The following PRKDC variants were observed in gnomAD, a reference collection of about 807,000 sequenced individuals.
PRKDC encodes protein kinase, DNA-activated, catalytic subunit, also known as DNA-dependent protein kinase catalytic subunit.
In PRKDC, 82 loss-of-function variants were observed where a neutral mutation model predicts 486.9. That is an observed-to-expected ratio of 0.17 (90% CI 0.14 to 0.20). The LOEUF (loss-of-function observed/expected upper bound fraction) is 0.20. PRKDC is among the 10% of genes least tolerant of loss of function. PRKDC has a pLI of 1.00. For missense variants in PRKDC, 4,504 were observed against 5,038.2 expected (o/e 0.89, Z 3.21); for synonymous variants, 1,895 against 1,837.0 (o/e 1.03, Z -0.81).
chr8:47,941,260 T>A (rs1314798247), intron 10 of PRKDC, among the ~76,000 whole-genome samples: 1 of 152,190 alleles, frequency 6.6e-6, no homozygotes, highest in African/African-American at 2.4e-5. Context: ...AAGTCCTCTT[T>A]CCCTCTTTCT....
chr8:47,949,160 C>T (rs2090586700), intron 7 of PRKDC, among the ~76,000 whole-genome samples: 1 of 152,208 alleles, frequency 6.6e-6, no homozygotes, highest in Non-Finnish European at 1.5e-5. Flanking sequence ...TCTGTGCCTC[C>T]CTCTTCCACA....
intron 69 of PRKDC, among the ~76,000 whole-genome samples, chr8:47,806,265 C>G (rs1007622842): frequency 2.0e-5 from 3 of 152,180 alleles, no homozygotes; most frequent in Non-Finnish European, 4.4e-5. Flanking sequence ...TTCCCCTCAT[C>G]ATGCCAGACA....
intron 38 of PRKDC, among the ~76,000 whole-genome samples, chr8:47,881,178 C>T (rs1409550469): frequency 1.3e-5 from 2 of 152,184 alleles, no homozygotes; most frequent in African/African-American, 4.8e-5. Flanking sequence ...ATAACACACC[C>T]GGCCTGCTTG....
rs2154499713 is a variant in PRKDC at position 47,836,420 on chromosome 8, C to T, written c.7869G>A (p.Gly2623=). ...CCACTGGCCAGCGAGCTGAGAGGGACCCTTCCTGGGTACGGGTCTGGAGAG... is the reference window on the plus strand; with the variant it reads ...CCACTGGCCAGCGAGCTGAGAGGGATCCTTCCTGGGTACGGGTCTGGAGAG... ...QGTLQTRTQE[G]SLSARWPVAG... Residue 2623 remains glycine, a synonymous_variant, in exon 58 of 86, where the codon GGG becomes GGA. Coordinates refer to ENST00000314191, the MANE Select transcript of PRKDC (RefSeq NM_006904.7). 1 of 1,612,988 alleles carries T rather than the reference C, an allele frequency of 6.2e-7. No homozygotes were observed. The highest frequency in any genetic ancestry group is 1.7e-4 in the Middle Eastern group (1 of 6,060).
intron 59 of PRKDC, 130 bp from the exon 60 acceptor site, chr8:47,832,056 G>C: frequency 1.3e-6 from 1 of 744,268 alleles, no homozygotes; most frequent in Non-Finnish European, 2.3e-6. Flanking sequence ...GGGAGCAGGA[G>C]TGCAGGGGCC....
intron 68 of PRKDC, among the ~76,000 whole-genome samples, chr8:47,808,816 C>T (rs1283622683): frequency 6.6e-6 from 1 of 151,966 alleles, no homozygotes; most frequent in Non-Finnish European, 1.5e-5. Context: ...TTCTTAGAAA[C>T]AGTATGGCCA....
At chr8:47,938,512 G>A (rs1339097097) in intron 11 of PRKDC, among the ~76,000 whole-genome samples, 1 of 152,024 alleles carries the variant, frequency 6.6e-6, no homozygotes, top group African/African-American at 2.4e-5. Context: ...CAAAGCAGAA[G>A]TCACAGAATT....
chr8:47,803,585 A>G, intron 69 of PRKDC, 105 bp from the exon 70 acceptor site: 2 of 969,880 alleles, frequency 2.1e-6, no homozygotes, highest in East Asian at 2.4e-5. Flanking sequence ...TCCACCTTAG[A>G]GTAGCGAATC....
At chr8:47,883,574 CTCT>C (rs1375130334) in intron 36 of PRKDC, among the ~76,000 whole-genome samples, 1 of 152,234 alleles carries the variant, frequency 6.6e-6, no homozygotes, top group Non-Finnish European at 1.5e-5. Flanking sequence ...TAGTCTCCTC[CTCT>C]TTTCTCTCGT....
In PRKDC at chr8:47,862,436, G is replaced by A. The variant is rs2088698715; in HGVS notation, c.5856C>T (p.Ile1952=). Residue 1952 remains isoleucine, a synonymous_variant, in exon 43 of 86, where the codon ATC becomes ATT. Coordinates refer to ENST00000314191, the MANE Select transcript of PRKDC (RefSeq NM_006904.7). ...ATTTTAACTCATTGAAGACACAGCA[G>A]ATGACAGATATGGCGCAGTTGTATG... The part of the protein sequence containing the change: ...CAAYNCAISV[I]CCVFNELKFY... 6.2e-7 allele frequency: 1 copy of A among 1,614,012 alleles called. No individual in the cohort carries two copies. The highest frequency in any genetic ancestry group is 1.6e-4 in the Middle Eastern group (1 of 6,062).
rs200248112 is a variant in PRKDC at position 47,777,798 on chromosome 8, G to T, written c.11930C>A (p.Thr3977Lys). ...FINLMLPMKE[T>K]GLMYSIMVHA... ...TACCATGATGCTGTACATAAGGCCC[G>T]TTTCTTTCATTGGTAACATCAGATT... Residue 3977 changes from threonine to lysine, a missense_variant, in exon 84 of 86, where the codon ACG (threonine) becomes AAG (lysine). Physicochemically the swap from Thr to Lys is moderately conservative, Grantham distance 78. Around this residue, in one of 6 missense-constraint regions of PRKDC, gnomAD observed 706 missense variants for 945.0 expected, o/e 0.75. Coordinates refer to ENST00000314191, the MANE Select transcript of PRKDC (RefSeq NM_006904.7). 1 of 1,613,850 alleles carries T rather than the reference G, an allele frequency of 6.2e-7. No homozygotes were observed. Among genetic ancestry groups the T allele is most frequent in the Non-Finnish European group, 8.5e-7 (1 of 1,179,890 alleles).
intron 29 of PRKDC, 25 bp downstream of exon 29, chr8:47,898,445 C>T (rs1454318080): frequency 4.0e-6 from 6 of 1,516,952 alleles, no homozygotes; most frequent in Admixed American, 2.0e-5. Context: ...TGGGAAAAGA[C>T]GGAAAAGGAA....
At position 47,889,230 on chromosome 8, in the gene PRKDC, AGATT is replaced by A. The variant is rs575629886; in HGVS notation, c.4072-12_4072-9del. On this transcript the variant is annotated splice_polypyrimidine_tract_variant and intron_variant, in intron 32 of 85. Coordinates refer to ENST00000314191, the MANE Select transcript of PRKDC (RefSeq NM_006904.7). Reference sequence around the variant, plus strand: ...CAAGTCCTTCTTCAGGAGCTGTAACAGATTGTTTGATAAAAACACTTCGTCAGCC... The same window carrying A: ...CAAGTCCTTCTTCAGGAGCTGTAACAGTTTGATAAAAACACTTCGTCAGCC... 787 of 1,586,928 alleles carry A rather than the reference AGATT, an allele frequency of 5.0e-4. 9 individuals are homozygous for A. The African/African-American group carries it at 9.7e-3, about 20-fold the overall frequency.
rs932513294 is a variant in PRKDC at position 47,777,941 on chromosome 8, G to A, written c.11854-67C>T. ...AACTCTCAAAGTACCGAGCACAAATGGCAGCATCCTCACATAGTTACTGTT... is the reference window on the plus strand; with the variant it reads ...AACTCTCAAAGTACCGAGCACAAATAGCAGCATCCTCACATAGTTACTGTT... On this transcript the variant is annotated intron_variant, in intron 83 of 85. Coordinates refer to ENST00000314191, the MANE Select transcript of PRKDC (RefSeq NM_006904.7). 9 of 1,407,128 alleles carry A rather than the reference G, an allele frequency of 6.4e-6. No individual in the cohort carries two copies. The African/African-American group carries it at 1.3e-4, about 20-fold the overall frequency. The allele number at this position is 1,407,128 out of a possible 1,614,324, so 87.2% of individuals were successfully genotyped here.
At chr8:47,799,015 T>C (rs2087040526) in intron 72 of PRKDC, among the ~76,000 whole-genome samples, 195 bp downstream of exon 72, 1 of 152,170 alleles carries the variant, frequency 6.6e-6, no homozygotes. Context: ...TTCACCACGT[T>C]GGCCAGGCTG....
intron 20 of PRKDC, 30 bp downstream of exon 20, chr8:47,927,741 A>G: frequency 6.8e-7 from 1 of 1,478,490 alleles, no homozygotes; most frequent in South Asian, 1.5e-5. Flanking sequence ...ACAGCGATGA[A>G]GAGATGGCTC....
At chr8:47,836,244 A>T in intron 58 of PRKDC, 94 bp downstream of exon 58, 1 of 1,225,774 alleles carries the variant, frequency 8.2e-7, no homozygotes, top group Non-Finnish European at 1.1e-6. Context: ...ATTATCCCTT[A>T]CTTCTCTCAC....
At position 47,918,391 on chromosome 8, in the gene PRKDC, T is replaced by C. The variant is rs1462160768; in HGVS notation, c.2420-8A>G. On this transcript the variant is annotated splice_polypyrimidine_tract_variant and splice_region_variant and intron_variant, in intron 21 of 85. Transcript: ENST00000314191. Reference sequence around the variant, plus strand: ...AGTTATTCTTGGTCTCATCTATCAATAGTAAACGAAAATAAATTTAAAATA... The same window carrying C: ...AGTTATTCTTGGTCTCATCTATCAACAGTAAACGAAAATAAATTTAAAATA... 5.3e-6 allele frequency: 8 copies of C among 1,500,994 alleles called. No individual in the cohort carries two copies. In the African/African-American group the frequency reaches 5.5e-5, roughly 10 times the overall value. The allele number at this position is 1,500,994 out of a possible 1,614,324, so 93.0% of individuals were successfully genotyped here.
Position 47,939,318 on chromosome 8 carries a change from A to G in PRKDC, c.1113+233T>C, listed in dbSNP as rs139217084. The stretch of plus-strand genomic sequence containing the variant: ...CACAGTCACCCTGTGGAAGCCTCAT[A>G]TACAAAAGGTCAGCCCTCTATATAA... On this transcript the variant is annotated intron_variant, in intron 11 of 85. Transcript: ENST00000314191. 1.2e-4 allele frequency among the ~76,000 whole-genome samples: 19 copies of G among 152,340 alleles called. No individual in the cohort carries two copies. The East Asian group carries it at 3.7e-3, about 29-fold the overall frequency.
Sources: allele counts gnomAD v4.1 joint callset (sites outside exome capture counted in the v4.1 genomes callset), GRCh38; gene constraint gnomAD v4.1.1; regional missense constraint gnomAD v4.1.1; transcripts MANE v1.5; gene names NCBI Gene and HGNC (gene_info 2026-07-23, HGNC 2026-07-21).